The following RBFOX1 variants were observed in gnomAD, a reference collection of about 807,000 sequenced individuals.
RBFOX1 encodes the protein RNA binding fox-1 homolog 1, also known as RNA binding protein fox-1 homolog 1.
A neutral mutation model predicts 57.7 loss-of-function variants in RBFOX1; 8 were observed. The observed-to-expected ratio is 0.14, with a 90% CI of 0.08 to 0.25. The LOEUF is 0.25. RBFOX1 is among the 10% of genes least tolerant of loss of function. The pLI, the probability that RBFOX1 is intolerant of heterozygous loss-of-function variation, is 1.00. For missense variants in RBFOX1, 611 were observed against 548.5 expected (o/e 1.11, Z -1.14); for synonymous variants, 326 against 222.4 (o/e 1.47, Z -4.15).
intron 1 of RBFOX1, among the ~76,000 whole-genome samples, chr16:6,168,216 A>C (rs554200508): frequency 6.6e-6 from 1 of 152,340 alleles, no homozygotes; most frequent in African/African-American, 2.4e-5. Flanking sequence ...AATGCTCATA[A>C]TCTATTAGTT....
At chr16:6,088,862 C>T (rs74591336) in intron 1 of RBFOX1, among the ~76,000 whole-genome samples, 1 of 151,964 alleles carries the variant, frequency 6.6e-6, no homozygotes, top group Admixed American at 6.6e-5. Context: ...TTTGGGAGAC[C>T]AAGGCGGGCA....
At chr16:5,756,539 A>G (rs760680290) in intron 3 of RBFOX1, among the ~76,000 whole-genome samples, 44 of 152,278 alleles carry the variant, frequency 2.9e-4, no homozygotes, top group Non-Finnish European at 4.4e-4. Context: ...GGCCAATAAT[A>G]AAGATAAATT....
At chr16:7,457,853 G>T (rs916428972) in intron 4 of RBFOX1, among the ~76,000 whole-genome samples, 1 of 151,952 alleles carries the variant, frequency 6.6e-6, no homozygotes, top group Non-Finnish European at 1.5e-5. Flanking sequence ...TGATCCACTT[G>T]GCCACAGCAG....
chr16:7,185,979 A>G (rs951222083), intron 4 of RBFOX1, among the ~76,000 whole-genome samples: 3 of 152,144 alleles, frequency 2.0e-5, no homozygotes, highest in Non-Finnish European at 4.4e-5. Context: ...ATTAGTTCCT[A>G]TGTTTATTGG....
chr16:5,415,386 A>G (rs2067135252), intron 1 of RBFOX1, among the ~76,000 whole-genome samples: 1 of 152,208 alleles, frequency 6.6e-6, no homozygotes, highest in Non-Finnish European at 1.5e-5. Flanking sequence ...TGATGCAGTC[A>G]CTTCCCACCG....
At chr16:5,492,067 A>C (rs1308106841) in intron 2 of RBFOX1, among the ~76,000 whole-genome samples, 1 of 152,130 alleles carries the variant, frequency 6.6e-6, no homozygotes, top group Non-Finnish European at 1.5e-5. Flanking sequence ...TTGGAACTGC[A>C]CACTCTCGGG....
rs555720022 is a variant in RBFOX1, at chr16:7,168,400, AC to A, written c.27+116304del. 3.3e-5 allele frequency among the ~76,000 whole-genome samples: 5 copies of A among 151,812 alleles called. No individual in the cohort carries two copies. In the South Asian group the frequency reaches 1.0e-3, roughly 32 times the overall value. ...GGAAATGGGAAAGAGTGTACCTCAA[AC>A]CTCAACAGCCACATTGTCCACCAAT... On this transcript the variant is annotated intron_variant, in intron 4 of 15. Transcript: ENST00000550418.
At chr16:6,753,146 G>C (rs2154192769) in intron 3 of RBFOX1, among the ~76,000 whole-genome samples, 1 of 152,270 alleles carries the variant, frequency 6.6e-6, no homozygotes, top group Middle Eastern at 3.4e-3. Flanking sequence ...GTATTTTAAT[G>C]ATGTGTGAAA....
Position 6,523,004 on chromosome 16 carries a change from C to T in RBFOX1, c.-63-131599C>T, listed in dbSNP as rs544203904. On this transcript the variant is annotated intron_variant, in intron 2 of 15. Coordinates refer to ENST00000550418, the MANE Select transcript of RBFOX1 (RefSeq NM_018723.4). ...TTCTTATCTTTTAGGCATCAAAGAA[C>T]CATTGTCCATCCTACATAAGAAAAC... Among the ~76,000 whole-genome samples the T allele has an allele frequency of 5.9e-5, 9 of 152,322 alleles. No individual in the cohort carries two copies. In the South Asian group the frequency reaches 1.7e-3, roughly 28 times the overall value.
intron 2 of RBFOX1, among the ~76,000 whole-genome samples, chr16:6,521,795 C>T (rs925221975): frequency 6.6e-6 from 1 of 152,040 alleles, no homozygotes; most frequent in Non-Finnish European, 1.5e-5. Flanking sequence ...AACTGTGATT[C>T]TTAAAGCTAA....
chr16:7,296,221 A>G (rs749542816), intron 4 of RBFOX1, among the ~76,000 whole-genome samples: 1 of 149,128 alleles, frequency 6.7e-6, no homozygotes, highest in Non-Finnish European at 1.5e-5. Context: ...AATTTAATCA[A>G]TTTGAAGGAC....
intron 1 of RBFOX1, among the ~76,000 whole-genome samples, chr16:5,460,003 C>A (rs543773096): frequency 6.6e-6 from 1 of 152,322 alleles, no homozygotes; most frequent in South Asian, 2.1e-4. Flanking sequence ...CCTACACTTG[C>A]ATGTTTAGTT....
chr16:6,938,834 A>C (rs1343194811), intron 3 of RBFOX1, among the ~76,000 whole-genome samples: 2 of 152,194 alleles, frequency 1.3e-5, no homozygotes, highest in Non-Finnish European at 1.5e-5. Context: ...CGGTAGGCTG[A>C]GGCAGGAGAA....
intron 3 of RBFOX1, among the ~76,000 whole-genome samples, chr16:6,737,893 A>G (rs1432567043): frequency 6.6e-6 from 1 of 152,206 alleles, no homozygotes; most frequent in Non-Finnish European, 1.5e-5. Context: ...GGGGGAAGCC[A>G]TGAAGCCTAA....
At chr16:6,866,108 C>T (rs981901763) in intron 3 of RBFOX1, among the ~76,000 whole-genome samples, 1 of 152,144 alleles carries the variant, frequency 6.6e-6, no homozygotes, top group African/African-American at 2.4e-5. Flanking sequence ...AATAATTCCC[C>T]TCTCCTTTTC....
intron 4 of RBFOX1, among the ~76,000 whole-genome samples, chr16:7,433,072 C>G (rs754073962): frequency 4.6e-5 from 7 of 152,328 alleles, no homozygotes; most frequent in Non-Finnish European, 5.9e-5. Flanking sequence ...AGGATTCTTT[C>G]TCAGCAGCCT....
At chr16:6,741,186 A>T (rs1415276288) in intron 3 of RBFOX1, among the ~76,000 whole-genome samples, 1 of 152,194 alleles carries the variant, frequency 6.6e-6, no homozygotes, top group Admixed American at 6.5e-5. Flanking sequence ...ATAATAATAA[A>T]TAATAAATCT....
chr16:5,617,558 T>C (rs72763300), intron 3 of RBFOX1, among the ~76,000 whole-genome samples: 3 of 152,334 alleles, frequency 2.0e-5, no homozygotes, highest in Non-Finnish European at 4.4e-5. Flanking sequence ...TAGCACAGCA[T>C]TGTGGAAAAA....
chr16:6,939,771 C>G (rs895900851), intron 3 of RBFOX1, among the ~76,000 whole-genome samples: 6 of 152,062 alleles, frequency 3.9e-5, no homozygotes, highest in African/African-American at 1.4e-4. Flanking sequence ...CTTGGCCTAC[C>G]ATAGTGCTGG....
Sources: gnomAD v4.1 joint callset for allele counts (sites outside exome capture counted in the v4.1 genomes callset) on GRCh38, gnomAD v4.1.1 for gene constraint, MANE v1.5 for transcripts, NCBI Gene and HGNC (gene_info 2026-07-23, HGNC 2026-07-21) for gene names.